The following DST variants were observed in gnomAD, a reference collection of about 807,000 sequenced individuals.
DST encodes bullous pemphigoid antigen.
In DST, 253 loss-of-function variants were observed where a neutral mutation model predicts 875.2. The observed-to-expected ratio is 0.29, with a 90% CI of 0.26 to 0.32. DST has a LOEUF of 0.32. Ranked by LOEUF, DST falls within the 10% of genes least tolerant of loss-of-function variation. The probability of loss-of-function intolerance (pLI) is 1.00; values close to 1 mark genes in which losing one functional copy is unlikely to be tolerated. For synonymous variants in DST, 3,124 were observed against 3,197.1 expected (o/e 0.98, Z 0.77); for missense variants, 8,287 against 9,111.6 (o/e 0.91, Z 3.68).
chr6:56,582,867 T>G (rs563178998), intron 49 of DST, among the ~76,000 whole-genome samples: 2 of 152,118 alleles, frequency 1.3e-5, no homozygotes, highest in African/African-American at 4.8e-5. Context: ...GGCCTTGTGA[T>G]AGTTTACTGA....
At chr6:56,568,739 T>G (rs536597033) in intron 54 of DST, 144 bp from the exon 55 acceptor site, 4 of 722,550 alleles carry the variant, frequency 5.5e-6, no homozygotes, top group Admixed American at 6.5e-5. Flanking sequence ...AAGGCACCTA[T>G]TTGTTCCCAC....
chr6:56,576,969 G>A (rs1211826131), intron 50 of DST, among the ~76,000 whole-genome samples: 1 of 152,122 alleles, frequency 6.6e-6, no homozygotes, highest in Non-Finnish European at 1.5e-5. Context: ...GCACTTCTTA[G>A]TGATAAAATA....
At chr6:56,755,765 T>TA (rs1564020107) in intron 4 of DST, among the ~76,000 whole-genome samples, 1 of 152,184 alleles carries the variant, frequency 6.6e-6, no homozygotes, top group Non-Finnish European at 1.5e-5. Flanking sequence ...TTTATCAGCC[T>TA]AAAAAAGAGA....
At chr6:56,485,692 C>T (rs558190563) in intron 87 of DST, among the ~76,000 whole-genome samples, 2 of 152,276 alleles carry the variant, frequency 1.3e-5, no homozygotes, top group Non-Finnish European at 2.9e-5. Context: ...GGAAAATTCC[C>T]ACCTTTGGAA....
chr6:56,950,642 CA>C (rs1299897710), intron 2 of DST, among the ~76,000 whole-genome samples: 1 of 152,208 alleles, frequency 6.6e-6, no homozygotes, highest in African/African-American at 2.4e-5. Context: ...CACTTCTCTT[CA>C]TTAGCTGTTT....
chr6:56,626,736 G>C (rs974820238), intron 34 of DST, among the ~76,000 whole-genome samples: 2 of 152,044 alleles, frequency 1.3e-5, no homozygotes, highest in Non-Finnish European at 1.5e-5. Context: ...AGTCTGTTTA[G>C]AAGCTCATGA....
At chr6:56,538,850 A>AT (rs745871194) in intron 61 of DST, among the ~76,000 whole-genome samples, 6 of 152,332 alleles carry the variant, frequency 3.9e-5, no homozygotes, top group Non-Finnish European at 7.4e-5. Flanking sequence ...AGTCTCCGTA[A>AT]TTTTGCAAAA....
intron 15 of DST, chr6:56,642,882 T>G: frequency 6.3e-7 from 1 of 1,594,310 alleles, no homozygotes. Flanking sequence ...CGGTGAAAAG[T>G]GGCAGCTGAA....
At chr6:56,777,222 T>G (rs941287743) in intron 4 of DST, among the ~76,000 whole-genome samples, 2 of 152,124 alleles carry the variant, frequency 1.3e-5, no homozygotes, top group African/African-American at 4.8e-5. Context: ...TAGGAAACCC[T>G]GTTTCTGAAT....
intron 97 of DST, 56 bp downstream of exon 97, chr6:56,469,827 T>A (rs1251293936): frequency 7.0e-7 from 1 of 1,432,616 alleles, no homozygotes; most frequent in Admixed American, 1.7e-5. Flanking sequence ...TCAAATTGTA[T>A]ACAGATTTCA....
At position 56,532,424 on chromosome 6, in the gene DST, G is replaced by T; in HGVS notation, c.17028C>A (p.Pro5676=). ...GTTTCAAAATCTTCACTTTATCTGC[G>T]GGCTCTGCTGTTGTAGCAATTTTTT... is the stretch of plus-strand genomic sequence containing the variant. The part of the protein sequence containing the change: ...EGEKIATTAE[P]ADKVKILKQL... The change falls in exon 64 of 104, where the codon CCC becomes CCA. Residue 5676 remains proline, a synonymous_variant. Transcript: ENST00000680361. The T allele has an allele frequency of 6.2e-7, 1 of 1,613,274 alleles. No individual in the cohort carries two copies. The highest frequency in any genetic ancestry group is 8.5e-7 in the Non-Finnish European group (1 of 1,179,618).
chr6:56,670,475 A>C (rs1434704795), intron 10 of DST, 166 bp downstream of exon 10: 1 of 494,278 alleles, frequency 2.0e-6, no homozygotes, highest in African/African-American at 2.0e-5. Flanking sequence ...CTGGGATTAC[A>C]GGCATGGGCC....
In DST at chr6:56,648,668, C is replaced by T; in HGVS notation, c.1456G>A (p.Glu486Lys). Residue 486 changes from glutamate (E) to lysine (K), a missense_variant, in exon 13 of 104, where the codon GAA becomes AAA. This residue lies in a region of DST where 1,160 missense variants were observed against 1,424.3 expected (regional missense o/e 0.81). Transcript: ENST00000680361. ...AGGTAGTTCACCATATTCTGGTATT[C>T]AATCCATTTGACTTCAACATCCTAG... is the stretch of plus-strand genomic sequence containing the variant. ...GANDVEVKWI[E>K]YQNMVNYLIQ... The T allele has an allele frequency of 6.3e-7, 1 of 1,577,084 alleles. No individual in the cohort carries two copies. The highest frequency in any genetic ancestry group is 2.3e-5 in the East Asian group (1 of 43,944).
In DST at chr6:56,574,048, T is replaced by C. The variant is rs115635220; in HGVS notation, c.13028-161A>G. Among the ~76,000 whole-genome samples, 1,463 of 152,172 alleles carry C rather than the reference T, an allele frequency of 9.6e-3. 23 individuals are homozygous for C. Among genetic ancestry groups the C allele is most frequent in the African/African-American group, 0.033 (1,374 of 41,524 alleles). ...TGCATAATCAGAACACCACCTAAAA[T>C]GTTAAAATATAAAGAAAGAAAAGAG... is the stretch of plus-strand genomic sequence containing the variant. On this transcript the variant is annotated intron_variant, in intron 50 of 103. Transcript: ENST00000680361.
chr6:56,921,290 C>T (rs1395412391), intron 2 of DST, among the ~76,000 whole-genome samples: 1 of 151,960 alleles, frequency 6.6e-6, no homozygotes, highest in African/African-American at 2.4e-5. Context: ...GTTTTAAAGC[C>T]AACTAAATGC....
rs192560680 is a variant in DST, at chr6:56,471,775, T to C, written c.22158+284A>G. On this transcript the variant is annotated intron_variant, in intron 94 of 103. Coordinates refer to ENST00000680361, the MANE Select transcript of DST (RefSeq NM_001374736.1). The stretch of plus-strand genomic sequence containing the variant: ...TCCAGGCAGCATCACCAGCAAACAT[T>C]ATGTCAAGTTAGATTTTATTCTTAA... 2.1e-3 allele frequency: 979 copies of C among 463,932 alleles called. 4 individuals are homozygous for C. Among genetic ancestry groups the C allele is most frequent in the Non-Finnish European group, 1.7e-3 (444 of 255,718 alleles). 28.7% of individuals were successfully genotyped at this position (463,932 alleles called of 1,614,324 possible). A position where few individuals can be genotyped will look rare whatever the true frequency, so the allele number is the denominator to read the frequency against.
chr6:56,842,402 A>G (rs1034784997), intron 4 of DST, among the ~76,000 whole-genome samples: 2 of 152,232 alleles, frequency 1.3e-5, no homozygotes, highest in African/African-American at 4.8e-5. Flanking sequence ...ATATTCAACT[A>G]TGAAGTCCAA....
chr6:56,807,222 T>C (rs1433754418), intron 4 of DST, among the ~76,000 whole-genome samples: 1 of 152,134 alleles, frequency 6.6e-6, no homozygotes, highest in Non-Finnish European at 1.5e-5. Flanking sequence ...GACAGGGTTT[T>C]GCCATGTTGT....
chr6:56,699,721 C>A lies in DST; in HGVS notation c.979G>T (p.Asp327Tyr). The A allele has an allele frequency of 1.3e-6, 2 of 1,515,624 alleles. No homozygotes were observed. The highest frequency in any genetic ancestry group is 1.3e-5 in the South Asian group (1 of 77,954). The allele number at this position is 1,515,624 out of a possible 1,614,324, so 93.9% of individuals were successfully genotyped here. A position where few individuals can be genotyped will look rare whatever the true frequency, so the allele number is the denominator to read the frequency against. Reference protein sequence around the residue: ...RQVKLVNIRNDDITDGNPKLT... With the variant: ...RQVKLVNIRNYDITDGNPKLT... ...TTGGGATTTCCATCTGTTATGTCAT[C>A]ATTTCTAATATTCACTAATTTCACC... Residue 327 changes from aspartate to tyrosine, a missense_variant, in exon 9 of 104, where the codon GAT becomes TAT. This residue lies in a region of DST where 1,160 missense variants were observed against 1,424.3 expected (regional missense o/e 0.81). Transcript: ENST00000680361.
Sources: allele counts gnomAD v4.1 joint callset (sites outside exome capture counted in the v4.1 genomes callset), GRCh38; gene constraint gnomAD v4.1.1; regional missense constraint gnomAD v4.1.1; transcripts MANE v1.5; gene names NCBI Gene and HGNC (gene_info 2026-07-23, HGNC 2026-07-21).